DLG2: variants seen among roughly 807,000 people sequenced by gnomAD.
DLG2 encodes disks large homolog 2.
In DLG2, 45 loss-of-function variants were observed where a neutral mutation model predicts 132.5. The ratio of observed to expected loss-of-function variants is 0.34; its 90% CI spans 0.27 to 0.44. The LOEUF (loss-of-function observed/expected upper bound fraction) is 0.44. Among genes scored for constraint, DLG2 ranks in the 20% least tolerant of loss-of-function variants. The pLI is 1.00. For synonymous variants in DLG2, 424 were observed against 419.6 expected, an observed-to-expected ratio of 1.01 and a Z score of -0.13; for missense variants, 1,045 against 1,196.9, an observed-to-expected ratio of 0.87 and a Z score of 1.87.
At chr11:85,124,855 G>A (rs2074879226) in intron 5 of DLG2, among the ~76,000 whole-genome samples, 1 of 149,798 alleles carries the variant, frequency 6.7e-6, no homozygotes, top group South Asian at 2.1e-4. Context: ...TTTTGAGACG[G>A]AGTCTCGCTG....
chr11:85,472,372 G>A (rs1402485374), intron 3 of DLG2, among the ~76,000 whole-genome samples: 1 of 152,160 alleles, frequency 6.6e-6, no homozygotes, highest in Non-Finnish European at 1.5e-5. Context: ...CGTGATCTCA[G>A]CTCACTGCAA....
intron 6 of DLG2, among the ~76,000 whole-genome samples, chr11:84,841,887 A>T (rs2080744575): frequency 6.6e-6 from 1 of 151,944 alleles, no homozygotes; most frequent in Non-Finnish European, 1.5e-5. Context: ...AATTTTTATT[A>T]TTACAGATAA....
chr11:84,749,256 A>G (rs2065790664), intron 6 of DLG2, among the ~76,000 whole-genome samples: 1 of 152,164 alleles, frequency 6.6e-6, no homozygotes, highest in Admixed American at 6.5e-5. Flanking sequence ...AGTTTTCTAC[A>G]CAGTTACAGT....
chr11:85,123,312 T>C (rs983292433), intron 5 of DLG2, among the ~76,000 whole-genome samples: 3 of 151,868 alleles, frequency 2.0e-5, no homozygotes, highest in African/African-American at 7.3e-5. Context: ...TTCAAGTTAA[T>C]GGTGTGGAAA....
At chr11:84,866,481 G>A (rs1029845639) in intron 6 of DLG2, among the ~76,000 whole-genome samples, 1 of 152,186 alleles carries the variant, frequency 6.6e-6, no homozygotes, top group African/African-American at 2.4e-5. Context: ...CAGAGTGCGA[G>A]GAGGTGTGAG....
intron 6 of DLG2, among the ~76,000 whole-genome samples, chr11:85,076,478 A>G (rs2066565558): frequency 6.6e-6 from 1 of 152,010 alleles, no homozygotes; most frequent in South Asian, 2.1e-4. Flanking sequence ...TGGTTTGACA[A>G]GTCCTTCAGG....
At chr11:85,406,329 G>C (rs1473109163) in intron 3 of DLG2, among the ~76,000 whole-genome samples, 4 of 151,768 alleles carry the variant, frequency 2.6e-5, no homozygotes, top group Non-Finnish European at 4.4e-5. Context: ...ATATCACTGA[G>C]AAAAGAGAGT....
chr11:85,102,960 C>A (rs957770553), intron 6 of DLG2, among the ~76,000 whole-genome samples: 3 of 151,880 alleles, frequency 2.0e-5, no homozygotes, highest in African/African-American at 7.3e-5. Context: ...GCTGATTTTA[C>A]TTCTATACAC....
intron 19 of DLG2, among the ~76,000 whole-genome samples, chr11:83,603,505 C>A (rs1226595738): frequency 6.6e-6 from 1 of 151,890 alleles, no homozygotes; most frequent in Non-Finnish European, 1.5e-5. Flanking sequence ...ACAAATTTTC[C>A]CTAAGGTACA....
At chr11:83,467,957 G>C (rs1342864126) in intron 25 of DLG2, among the ~76,000 whole-genome samples, 1 of 151,068 alleles carries the variant, frequency 6.6e-6, no homozygotes, top group Non-Finnish European at 1.5e-5. Context: ...TTACATTATA[G>C]CACACCTCAT....
At chr11:85,504,093 T>C (rs544442718) in intron 3 of DLG2, among the ~76,000 whole-genome samples, 35 of 152,324 alleles carry the variant, frequency 2.3e-4, no homozygotes, top group Non-Finnish European at 4.1e-4. Context: ...TTTAAGTTCT[T>C]TGTAGATTCT....
chr11:84,723,443 G>C (rs539754625), intron 6 of DLG2, among the ~76,000 whole-genome samples: 2 of 152,070 alleles, frequency 1.3e-5, no homozygotes, highest in African/African-American at 4.8e-5. Context: ...ATGTGCATGT[G>C]TATGTGTTTA....
chr11:84,330,132 T>C (rs1174437652), intron 7 of DLG2, among the ~76,000 whole-genome samples: 1 of 152,244 alleles, frequency 6.6e-6, no homozygotes, highest in East Asian at 1.9e-4. Flanking sequence ...TGTCTGTCTA[T>C]TGTCATCCCT....
intron 7 of DLG2, among the ~76,000 whole-genome samples, chr11:84,419,728 TGAGGTAATCCCATTATATTCATC>T (rs2098942130): frequency 6.6e-6 from 1 of 152,160 alleles, no homozygotes; most frequent in Non-Finnish European, 1.5e-5. Flanking sequence ...ATCTCAAGTG[TGAGGTAATCCCATTATATTCATC>T]GCAATTAGCC....
intron 3 of DLG2, among the ~76,000 whole-genome samples, chr11:85,427,639 A>G (rs184763084): frequency 5.9e-5 from 9 of 152,234 alleles, no homozygotes; most frequent in African/African-American, 2.2e-4. Flanking sequence ...CTAAACATGG[A>G]AAGGAACAAC....
At chr11:84,821,905 A>C (rs995806137) in intron 6 of DLG2, among the ~76,000 whole-genome samples, 1 of 151,842 alleles carries the variant, frequency 6.6e-6, no homozygotes, top group Non-Finnish European at 1.5e-5. Context: ...TCAAACAAGA[A>C]ACAAGCAGAT....
chr11:84,321,509 C>T (rs1487164367), intron 7 of DLG2, among the ~76,000 whole-genome samples: 1 of 152,106 alleles, frequency 6.6e-6, no homozygotes, highest in Non-Finnish European at 1.5e-5. Flanking sequence ...TTTTACCAGT[C>T]TTGTCTGTGC....
intron 6 of DLG2, among the ~76,000 whole-genome samples, chr11:85,041,788 G>T (rs546671031): frequency 6.6e-6 from 1 of 151,848 alleles, no homozygotes; most frequent in Non-Finnish European, 1.5e-5. Context: ...GAGAAAGGAA[G>T]AACTCTCTGT....
At chr11:84,089,034 T>A (rs2097043970) in intron 10 of DLG2, among the ~76,000 whole-genome samples, 1 of 152,172 alleles carries the variant, frequency 6.6e-6, no homozygotes, top group African/African-American at 2.4e-5. Context: ...TCAGTTGGGG[T>A]ACAGTGGAAA....
Sources: allele counts gnomAD v4.1 joint callset (sites outside exome capture counted in the v4.1 genomes callset), GRCh38; gene constraint gnomAD v4.1.1; transcripts MANE v1.5; gene names NCBI Gene and HGNC (gene_info 2026-07-23, HGNC 2026-07-21).